The following IMMP2L variants were observed in gnomAD, a reference collection of about 807,000 sequenced individuals.
IMMP2L encodes the protein mitochondrial inner membrane protease subunit 2.
Under a neutral mutation model 19.3 loss-of-function variants are expected in IMMP2L, and 18 were observed. The observed-to-expected ratio is 0.93, with a 90% CI of 0.64 to 1.38. The LOEUF (loss-of-function observed/expected upper bound fraction) is 1.38. Ranked by LOEUF, IMMP2L falls within the 40% of genes most tolerant of loss-of-function variation. The probability of loss-of-function intolerance (pLI) is 0.00; values close to 1 mark genes in which losing one functional copy is unlikely to be tolerated. For synonymous variants in IMMP2L, 76 were observed against 73.0 expected (o/e 1.04, Z -0.21); for missense variants, 233 against 218.2 (o/e 1.07, Z -0.43).
intron 3 of IMMP2L, among the ~76,000 whole-genome samples, chr7:111,016,491 A>G: frequency 7.9e-6 from 1 of 126,776 alleles, no homozygotes; most frequent in South Asian, 2.3e-4. Context: ...TATATATTTT[A>G]TAATATATAT....
rs1791175145 is a variant in IMMP2L, at chr7:110,662,647, G to C, written c.*955C>G. Among the ~76,000 whole-genome samples, 1 of 152,148 alleles carries C rather than the reference G, an allele frequency of 6.6e-6. No individual in the cohort carries two copies. The highest frequency in any genetic ancestry group is 2.4e-5 in the African/African-American group (1 of 41,416). On this transcript the variant is annotated 3_prime_UTR_variant, in exon 6 of 6. Transcript: ENST00000405709. ...AGAAGCTTTCATAAACATGGACTTA[G>C]ATGCAGGGAATTTATTCCATTATCC...
At chr7:110,872,620 T>A (rs1339936478) in intron 5 of IMMP2L, among the ~76,000 whole-genome samples, 1 of 152,148 alleles carries the variant, frequency 6.6e-6, no homozygotes, top group Non-Finnish European at 1.5e-5. Context: ...TGATCCAAAC[T>A]ATGACAACCA....
In IMMP2L at chr7:111,419,510, T is replaced by C. The variant is rs939291812; in HGVS notation, c.239+67728A>G. Among the ~76,000 whole-genome samples the C allele has an allele frequency of 2.0e-5, 3 of 151,764 alleles. No individual in the cohort carries two copies. The East Asian group carries it at 5.8e-4, about 29-fold the overall frequency. On this transcript the variant is annotated intron_variant, in intron 3 of 5. Coordinates refer to ENST00000405709, the MANE Select transcript of IMMP2L (RefSeq NM_032549.4). ...TCCTCTGCTCACTGAAATAAATGTG[T>C]ATCTGATTGCCTCCTTTGGAGAGGC...
intron 3 of IMMP2L, among the ~76,000 whole-genome samples, chr7:111,485,597 CAAAAAAAAAAAAA>C (rs71147477): frequency 4.7e-4 from 24 of 50,592 alleles, no homozygotes; most frequent in South Asian, 2.5e-3. Context: ...GACTCTGTTT[CAAAAAAAAAAAAA>C]AAAAAAAAAA....
At chr7:111,210,497 C>T (rs998573467) in intron 3 of IMMP2L, among the ~76,000 whole-genome samples, 1 of 152,102 alleles carries the variant, frequency 6.6e-6, no homozygotes, top group Non-Finnish European at 1.5e-5. Flanking sequence ...GGACTACCTG[C>T]ACTTATTTTA....
chr7:110,850,505 T>C (rs576218181), intron 5 of IMMP2L, among the ~76,000 whole-genome samples: 14 of 152,180 alleles, frequency 9.2e-5, no homozygotes, highest in African/African-American at 3.4e-4. Context: ...AGCCCATACA[T>C]TGACTCTGGC....
intron 5 of IMMP2L, among the ~76,000 whole-genome samples, chr7:110,815,938 TG>T (rs557334670): frequency 8.2e-4 from 125 of 152,296 alleles, no homozygotes; most frequent in African/African-American, 2.8e-3. Flanking sequence ...AATTAATTTT[TG>T]AAGGGTTTTT....
At chr7:111,500,883 C>A (rs975407629) in intron 2 of IMMP2L, among the ~76,000 whole-genome samples, 1 of 152,100 alleles carries the variant, frequency 6.6e-6, no homozygotes, top group Non-Finnish European at 1.5e-5. Flanking sequence ...AAAAACAGAG[C>A]AGAAAAACTG....
chr7:110,772,096 T>A (rs1266437211), intron 5 of IMMP2L, among the ~76,000 whole-genome samples: 1 of 152,100 alleles, frequency 6.6e-6, no homozygotes, highest in Non-Finnish European at 1.5e-5. Flanking sequence ...TTGAGGGTAA[T>A]TAGGCCTTAA....
intron 3 of IMMP2L, among the ~76,000 whole-genome samples, chr7:111,174,198 T>G (rs1806780595): frequency 1.3e-5 from 2 of 151,714 alleles, no homozygotes; most frequent in South Asian, 4.2e-4. Flanking sequence ...CACAGAGACT[T>G]TTACTATTTC....
intron 5 of IMMP2L, among the ~76,000 whole-genome samples, chr7:110,737,380 G>A (rs1339879728): frequency 1.3e-5 from 2 of 152,192 alleles, no homozygotes; most frequent in African/African-American, 4.8e-5. Flanking sequence ...GGCTTTATGG[G>A]AGCAGGGTGA....
intron 3 of IMMP2L, among the ~76,000 whole-genome samples, chr7:111,230,392 A>G (rs761115301): frequency 1.1e-4 from 17 of 152,064 alleles, no homozygotes; most frequent in Non-Finnish European, 1.3e-4. Context: ...GAATAAAGAG[A>G]TTCAAAAGGG....
chr7:110,975,725 C>A (rs1455222607), intron 3 of IMMP2L, among the ~76,000 whole-genome samples: 1 of 152,046 alleles, frequency 6.6e-6, no homozygotes, highest in Non-Finnish European at 1.5e-5. Context: ...CTAAGCTATT[C>A]CCTTCATATG....
intron 4 of IMMP2L, among the ~76,000 whole-genome samples, chr7:110,960,209 T>A (rs752013210): frequency 5.9e-5 from 9 of 151,980 alleles, no homozygotes; most frequent in Non-Finnish European, 1.2e-4. Context: ...ATAATTCATA[T>A]AACAGAGAAT....
intron 5 of IMMP2L, among the ~76,000 whole-genome samples, chr7:110,802,833 A>C (rs1801357079): frequency 6.6e-6 from 1 of 152,076 alleles, no homozygotes; most frequent in East Asian, 1.9e-4. Context: ...TGGAGAAATT[A>C]CAAGGCATTA....
chr7:111,039,347 T>C (rs978946394), intron 3 of IMMP2L, among the ~76,000 whole-genome samples: 3 of 152,188 alleles, frequency 2.0e-5, no homozygotes, highest in African/African-American at 7.2e-5. Flanking sequence ...GTTCAAAACA[T>C]CTAGTTTATT....
intron 5 of IMMP2L, chr7:110,724,129 A>G (rs1035661651): frequency 2.5e-4 from 38 of 152,216 alleles, no homozygotes; most frequent in African/African-American, 8.4e-4. Context: ...ATTTGAACCA[A>G]GTTGTGGCTG....
At chr7:110,875,843 T>C (rs898000828) in intron 5 of IMMP2L, among the ~76,000 whole-genome samples, 1 of 152,134 alleles carries the variant, frequency 6.6e-6, no homozygotes, top group African/African-American at 2.4e-5. Flanking sequence ...AAATCAGGCT[T>C]AGTAATCAAA....
At chr7:111,079,612 A>G (rs1051600778) in intron 3 of IMMP2L, among the ~76,000 whole-genome samples, 7 of 152,232 alleles carry the variant, frequency 4.6e-5, no homozygotes, top group Admixed American at 4.6e-4. Flanking sequence ...TTGCATATGC[A>G]TAGTAAAGAC....
Sources: allele counts gnomAD v4.1 joint callset (sites outside exome capture counted in the v4.1 genomes callset), GRCh38; gene constraint gnomAD v4.1.1; transcripts MANE v1.5; gene names NCBI Gene and HGNC (gene_info 2026-07-23, HGNC 2026-07-21).